The following MYBPC3 variants were observed in gnomAD, a reference collection of about 807,000 sequenced individuals.
MYBPC3 encodes myosin-binding protein C, cardiac-type.
A neutral mutation model predicts 159.3 loss-of-function variants in MYBPC3; 108 were observed. The ratio of observed to expected loss-of-function variants is 0.68; its 90% CI spans 0.58 to 0.80. The LOEUF is 0.80. Ranked by LOEUF, MYBPC3 falls within the 30% of genes least tolerant of loss-of-function variation. MYBPC3 has a pLI of 0.00. For synonymous variants in MYBPC3, 730 were observed against 702.0 expected (o/e 1.04, Z -0.63); for missense variants, 1,631 against 1,762.1 (o/e 0.93, Z 1.33).
chr11:47,337,056 T>C (rs2095882969), intron 25 of MYBPC3, among the ~76,000 whole-genome samples: 1 of 152,236 alleles, frequency 6.6e-6, no homozygotes, highest in African/African-American at 2.4e-5. Flanking sequence ...ATGGCCTGCC[T>C]GGTCATCCCA....
chr11:47,338,768 A>G lies in MYBPC3; in HGVS notation c.2149-89T>C. On this transcript the variant is annotated intron_variant, in intron 22 of 34. Coordinates refer to ENST00000545968, the MANE Select transcript of MYBPC3 (RefSeq NM_000256.3). The surrounding 1 kb of genome is among the most constrained non-coding windows in gnomAD (Gnocchi z 4.7). ...CAACAGCCAGATGTCCCGGGGGTCC[A>G]TGGGGGGAACACAGCCTGTGGGAAG... 1 of 1,426,488 alleles carries G rather than the reference A, an allele frequency of 7.0e-7. No homozygotes were observed. The highest frequency in any genetic ancestry group is 9.3e-7 in the Non-Finnish European group (1 of 1,069,948). 88.4% of individuals were successfully genotyped at this position (1,426,488 alleles called of 1,614,324 possible). A position where few individuals can be genotyped will look rare whatever the true frequency, so the allele number is the denominator to read the frequency against.
In MYBPC3 at chr11:47,331,899, A is replaced by T; in HGVS notation, c.3815-18T>A. 6.2e-7 allele frequency: 1 copy of T among 1,609,734 alleles called. No homozygotes were observed. The highest frequency in any genetic ancestry group is 1.3e-5 in the African/African-American group (1 of 74,992). On this transcript the variant is annotated intron_variant, in intron 33 of 34. Transcript: ENST00000545968. The stretch of plus-strand genomic sequence containing the variant: ...CTGAGGCACTGCAGAAGAGGAGGCC[A>T]TGTCACTGTGTCCTCCCAGCCTTCT...
chr11:47,347,350 C>A (rs2095895314), intron 9 of MYBPC3, 76 bp downstream of exon 9: 15 of 1,551,668 alleles, frequency 9.7e-6, no homozygotes, highest in Non-Finnish European at 1.2e-5. Flanking sequence ...CAGGGTCACA[C>A]AGCTGGCAAA....
rs1296609819 is a variant in MYBPC3, at chr11:47,333,182, C to T, written c.3330+12G>A. The T allele has an allele frequency of 6.2e-7, 1 of 1,601,046 alleles. No homozygotes were observed. The highest frequency in any genetic ancestry group is 2.2e-5 in the East Asian group (1 of 44,482). On this transcript the variant is annotated intron_variant, in intron 30 of 34. Coordinates refer to ENST00000545968, the MANE Select transcript of MYBPC3 (RefSeq NM_000256.3). The stretch of plus-strand genomic sequence containing the variant: ...GCAGGGTGCACGTGGGGACCCCAGA[C>T]CCTGGGCTCACCATGGTCTTCTTGT...
chr11:47,346,628 T>A lies in MYBPC3; in HGVS notation c.925A>T (p.Arg309Trp). ...LKKRDSFRTP[R>W]DSKLEAPAEE... Reference sequence around the variant, plus strand: ...TGCTGTGCTATGTTGGGCACTCACCTCGGGGTCCGGAAACTGCTGCTCCAG... The same window carrying A: ...TGCTGTGCTATGTTGGGCACTCACCACGGGGTCCGGAAACTGCTGCTCCAG... The change falls in exon 11 of 35, where the codon AGG (arginine) becomes TGG (tryptophan). Residue 309 changes from arginine to tryptophan, a missense_variant and splice_region_variant. By Grantham distance (101) the Arg-to-Trp change is moderately radical. Coordinates refer to ENST00000545968, the MANE Select transcript of MYBPC3 (RefSeq NM_000256.3). This position sits in a 1 kb window ranked among gnomAD's most constrained non-coding sequence, Gnocchi z 5.3. 1.3e-6 allele frequency: 2 copies of A among 1,576,652 alleles called. No homozygotes were observed. Among genetic ancestry groups the A allele is most frequent in the Non-Finnish European group, 8.6e-7 (1 of 1,159,830 alleles).
At position 47,348,425 on chromosome 11, in the gene MYBPC3, G is replaced by A. The variant is rs1287380656; in HGVS notation, c.771C>T (p.His257=). 1.1e-5 allele frequency: 18 copies of A among 1,607,814 alleles called. No homozygotes were observed. Among genetic ancestry groups the A allele is most frequent in the Admixed American group, 6.7e-5 (4 of 59,394 alleles). ...FDCSNFNLTV[H]EAMGTGDLDL... ...GGACAGACACCAGGGCCCCCTCACC[G>A]TGGACAGTGAGATTGAAGTTGGAGC... Residue 257 remains histidine (H), a splice_region_variant and synonymous_variant, in exon 6 of 35, where the codon CAC becomes CAT. Coordinates refer to ENST00000545968, the MANE Select transcript of MYBPC3 (RefSeq NM_000256.3).
chr11:47,339,654 C>T lies in MYBPC3; in HGVS notation c.2064G>A (p.Thr688=), dbSNP rs758224257. The part of the protein sequence containing the change: ...APTVIWQKAI[T]QGNKAPARPA... ...ACTGAGGAGGGACCCACAGTACCTG[C>T]GTGATAGCCTTCTGCCAGATCACAG... The change falls in exon 21 of 35, where the codon ACG becomes ACA. Residue 688 remains threonine (T), a synonymous_variant. Coordinates refer to ENST00000545968, the MANE Select transcript of MYBPC3 (RefSeq NM_000256.3). 76 of 1,594,128 alleles carry T rather than the reference C, an allele frequency of 4.8e-5. No homozygotes were observed. Among genetic ancestry groups the T allele is most frequent in the Non-Finnish European group, 6.2e-5 (72 of 1,169,018 alleles).
chr11:47,334,997 G>A (rs754252208), intron 27 of MYBPC3, 45 bp downstream of exon 27: 6 of 1,459,976 alleles, frequency 4.1e-6, no homozygotes, highest in South Asian at 1.5e-5. Context: ...CCAAGGGCCT[G>A]GGGTGTCAAT....
chr11:47,333,142 G>A, intron 30 of MYBPC3, 52 bp downstream of exon 30: 1 of 1,568,556 alleles, frequency 6.4e-7, no homozygotes, highest in Non-Finnish European at 8.7e-7. Flanking sequence ...TGCGGCCTGG[G>A]TCTGCCGGGC....
intron 7 of MYBPC3, 59 bp from the exon 8 acceptor site, chr11:47,347,739 C>G (rs2095895802): frequency 6.4e-7 from 1 of 1,550,544 alleles, no homozygotes; most frequent in East Asian, 2.4e-5. Flanking sequence ...CCCCTGCAGC[C>G]CCCACTGACT....
intron 12 of MYBPC3, among the ~76,000 whole-genome samples, chr11:47,344,629 A>T (rs2095892422): frequency 6.6e-6 from 1 of 152,142 alleles, no homozygotes; most frequent in Admixed American, 6.5e-5. Flanking sequence ...AGGGGCAGAG[A>T]TCTACTGCTG....
chr11:47,340,101 CACAT>C (rs2095886811), intron 20 of MYBPC3, among the ~76,000 whole-genome samples: 1 of 150,420 alleles, frequency 6.6e-6, no homozygotes, highest in African/African-American at 2.4e-5. Context: ...TCTTGCCACA[CACAT>C]ACACACACAC....
intron 12 of MYBPC3, among the ~76,000 whole-genome samples, chr11:47,345,732 G>A (rs777082951): frequency 5.8e-4 from 89 of 152,218 alleles, no homozygotes; most frequent in Non-Finnish European, 1.1e-3. Context: ...CTGAGAGAAA[G>A]ATTAGCCAGG....
rs397515890 is a variant in MYBPC3 at position 47,343,527 on chromosome 11, C to T, written c.1188G>A (p.Trp396Ter). Residue 396 changes from tryptophan to a stop codon, truncating the protein, a stop_gained, in exon 13 of 35, where the codon TGG becomes TGA. Transcript: ENST00000545968. LOFTEE classifies it high-confidence loss of function. The part of the protein sequence containing the change: ...ELADHDAEVK[W>*]LKNGQEIQMS... Reference sequence around the variant, plus strand: ...TCTGGATCTCCTGGCCATTCTTGAGCCATTTGACCTCAGCGTCATGGTCAG... The same window carrying T: ...TCTGGATCTCCTGGCCATTCTTGAGTCATTTGACCTCAGCGTCATGGTCAG... 6.2e-7 allele frequency: 1 copy of T among 1,607,414 alleles called. No homozygotes were observed. Among genetic ancestry groups the T allele is most frequent in the African/African-American group, 1.3e-5 (1 of 74,738 alleles).
chr11:47,335,563 G>A (rs1238868650), intron 26 of MYBPC3: 1 of 298,548 alleles, frequency 3.3e-6, no homozygotes, highest in Non-Finnish European at 6.2e-6. Context: ...CCGACCTCAG[G>A]TGATCCGCCC....
rs534282225 is a variant in MYBPC3 at position 47,351,380 on chromosome 11, C to A, written c.151G>T (p.Ala51Ser). The change falls in exon 2 of 35, where the codon GCC becomes TCC. Residue 51 changes from alanine to serine, a missense_variant. By Grantham distance (99) the Ala-to-Ser change is moderately conservative. Transcript: ENST00000545968. This position sits in a 1 kb window ranked among gnomAD's most constrained non-coding sequence, Gnocchi z 4.2. ...RWQRGGSDIS[A>S]SNKYGLATEG... ...GTGGCCAGGCCGTACTTGTTGCTGG[C>A]GCTGATGTCACTGCCTCCGCGCTGC... 10 of 1,608,494 alleles carry A rather than the reference C, an allele frequency of 6.2e-6. No individual in the cohort carries two copies. Among genetic ancestry groups the A allele is most frequent in the Admixed American group, 3.4e-5 (2 of 59,504 alleles).
rs759450911 is a variant in MYBPC3 at position 47,333,625 on chromosome 11, C to T, written c.3122G>A (p.Gly1041Asp). ...FIRAARRVHS[G>D]TYQVTVRIEN... Reference sequence around the variant, plus strand: ...AATGCGCACCGTCACCTGGTAAGTGCCTGAATGCACGCGGCGAGCGGCCCG... The same window carrying T: ...AATGCGCACCGTCACCTGGTAAGTGTCTGAATGCACGCGGCGAGCGGCCCG... Residue 1041 changes from glycine to aspartate, a missense_variant, in exon 29 of 35, where the codon GGC becomes GAC. Physicochemically the swap from Gly to Asp is moderately conservative, Grantham distance 94. Coordinates refer to ENST00000545968, the MANE Select transcript of MYBPC3 (RefSeq NM_000256.3). The T allele has an allele frequency of 6.2e-7, 1 of 1,606,298 alleles. No homozygotes were observed. The highest frequency in any genetic ancestry group is 8.5e-7 in the Non-Finnish European group (1 of 1,179,822).
chr11:47,346,819 T>G lies in MYBPC3; in HGVS notation c.909-175A>C, dbSNP rs1399677658. ...CTCCGGAGGCTCTGGCAGGACCTCC[T>G]GTGTGCATTACTTTTTCTTATCCCT... On this transcript the variant is annotated intron_variant, in intron 10 of 34. Coordinates refer to ENST00000545968, the MANE Select transcript of MYBPC3 (RefSeq NM_000256.3). The surrounding 1 kb of genome is among the most constrained non-coding windows in gnomAD (Gnocchi z 5.3). Among the ~76,000 whole-genome samples, 1 of 152,136 alleles carries G rather than the reference T, an allele frequency of 6.6e-6. No homozygotes were observed. The highest frequency in any genetic ancestry group is 1.5e-5 in the Non-Finnish European group (1 of 68,006).
Position 47,332,751 on chromosome 11 carries a change from C to A in MYBPC3, c.3491-49G>T. 1 of 1,585,172 alleles carries A rather than the reference C, an allele frequency of 6.3e-7. No individual in the cohort carries two copies. Among genetic ancestry groups the A allele is most frequent in the Non-Finnish European group, 8.6e-7 (1 of 1,164,874 alleles). ...CGAGAGGGCCACACAAAGCTAGGCC[C>A]CTCTCCCTGTTCCCACAGCCTCCCT... is the stretch of plus-strand genomic sequence containing the variant. On this transcript the variant is annotated intron_variant, in intron 31 of 34. Transcript: ENST00000545968. The surrounding 1 kb of genome is among the most constrained non-coding windows in gnomAD (Gnocchi z 4.2).
Sources: gnomAD v4.1 joint callset for allele counts (sites outside exome capture counted in the v4.1 genomes callset) on GRCh38, gnomAD v4.1.1 for gene constraint, Gnocchi (gnomAD v3.1) non-coding constraint, MANE v1.5 for transcripts, NCBI Gene and HGNC (gene_info 2026-07-23, HGNC 2026-07-21) for gene names.